C4orf17: variants seen among roughly 807,000 people sequenced by gnomAD.
C4orf17 encodes chromosome 4 open reading frame 17.
A neutral mutation model predicts 32.0 loss-of-function variants in C4orf17; 25 were observed. That is an observed-to-expected ratio of 0.78 (90% confidence interval 0.57 to 1.09). C4orf17 has a LOEUF of 1.09. Among genes scored for constraint, C4orf17 ranks in the 50% least tolerant of loss-of-function variants. The pLI is 0.00. For synonymous variants in C4orf17, 149 were observed against 145.8 expected, an observed-to-expected ratio of 1.02 and a Z score of -0.16; for missense variants, 420 against 420.0, an observed-to-expected ratio of 1.00 and a Z score of 0.00.
chr4:99,525,521 G>T (rs990995341), intron 4 of C4orf17, among the ~76,000 whole-genome samples: 4 of 152,088 alleles, frequency 2.6e-5, no homozygotes, highest in African/African-American at 7.2e-5. Context: ...TTGGCCAGGC[G>T]CAGTGGCTCA....
chr4:99,522,533 A>T lies in C4orf17; in HGVS notation c.161A>T (p.Asp54Val), dbSNP rs1578189414. Reference sequence around the variant, plus strand: ...AACATTCCAATCTGTACTGTGAATGATGATGAGAATGCATTTGGAACATTG... The same window carrying T: ...AACATTCCAATCTGTACTGTGAATGTTGATGAGAATGCATTTGGAACATTG... ...LNNIPICTVN[D>V]DENAFGTLWG... Residue 54 changes from aspartate (D) to valine (V), a missense_variant, in exon 3 of 9, where the codon GAT becomes GTT. Physicochemically the swap from Asp to Val is radical, Grantham distance 152. Coordinates refer to ENST00000326581, the MANE Select transcript of C4orf17 (RefSeq NM_032149.3). 6.2e-7 allele frequency: 1 copy of T among 1,614,000 alleles called. No homozygotes were observed. Among genetic ancestry groups the T allele is most frequent in the Non-Finnish European group, 8.5e-7 (1 of 1,179,882 alleles).
rs201281305 is a variant in C4orf17 at position 99,524,567 on chromosome 4, T to C, written c.384T>C (p.Asn128=). Reference sequence around the variant, plus strand: ...AGTGCTTCAAAACTTCCAGTGAGAATCCCTTAGTAATTAAAAAGGTAAGGA... The same window carrying C: ...AGTGCTTCAAAACTTCCAGTGAGAACCCCTTAGTAATTAAAAAGGTAAGGA... The part of the protein sequence containing the change: ...IKECFKTSSE[N]PLVIKKEEIK... Residue 128 remains asparagine, a synonymous_variant, in exon 4 of 9, where the codon AAT becomes AAC. Coordinates refer to ENST00000326581, the MANE Select transcript of C4orf17 (RefSeq NM_032149.3). 2.2e-5 allele frequency: 35 copies of C among 1,602,028 alleles called. No individual in the cohort carries two copies. In the East Asian group the frequency reaches 7.8e-4, roughly 36 times the overall value.
chr4:99,523,022 G>T (rs1381471265), intron 3 of C4orf17, among the ~76,000 whole-genome samples: 1 of 152,142 alleles, frequency 6.6e-6, no homozygotes, highest in Non-Finnish European at 1.5e-5. Context: ...ATGGGGAAAT[G>T]ATGTCAGACG....
intron 4 of C4orf17, among the ~76,000 whole-genome samples, chr4:99,525,430 T>A (rs893510666): frequency 3.3e-5 from 5 of 152,198 alleles, no homozygotes; most frequent in African/African-American, 1.2e-4. Context: ...TGACATCTTT[T>A]CCAATTCTTA....
At chr4:99,538,972 T>C (rs967006017) in intron 6 of C4orf17, among the ~76,000 whole-genome samples, 191 bp from the exon 7 acceptor site, 1 of 152,176 alleles carries the variant, frequency 6.6e-6, no homozygotes, top group African/African-American at 2.4e-5. Flanking sequence ...CACTCTACAG[T>C]ATCACAGGTC....
chr4:99,513,505 A>G lies in C4orf17; in HGVS notation c.127+297A>G, dbSNP rs1723129495. ...AAAATGGGGACCACTCAGGGAGCTC[A>G]GGGCAGGCTTGACCAATTGATATAA... On this transcript the variant is annotated intron_variant, in intron 2 of 8. Transcript: ENST00000326581. Among the ~76,000 whole-genome samples the G allele has an allele frequency of 2.0e-5, 3 of 152,334 alleles. No individual in the cohort carries two copies. In the South Asian group the frequency reaches 6.2e-4, roughly 32 times the overall value.
chr4:99,520,881 G>C (rs990197043), intron 2 of C4orf17, among the ~76,000 whole-genome samples: 2 of 152,048 alleles, frequency 1.3e-5, no homozygotes, highest in African/African-American at 4.8e-5. Context: ...ACTCCTGTAA[G>C]TTAAATAAAT....
chr4:99,539,025 C>T (rs1723609018), intron 6 of C4orf17, 138 bp from the exon 7 acceptor site: 2 of 790,814 alleles, frequency 2.5e-6, no homozygotes, highest in Non-Finnish European at 4.2e-6. Context: ...CTGCAGAAGT[C>T]CTTACTCCCA....
In C4orf17 at chr4:99,539,319, C is replaced by T; in HGVS notation, c.785C>T (p.Thr262Ile). 6.2e-7 allele frequency: 1 copy of T among 1,614,088 alleles called. No homozygotes were observed. Among genetic ancestry groups the T allele is most frequent in the South Asian group, 1.1e-5 (1 of 91,078 alleles). The change falls in exon 7 of 9, where the codon ACT becomes ATT. Residue 262 changes from threonine to isoleucine, a missense_variant. By Grantham distance (89) the Thr-to-Ile change is moderately conservative (BLOSUM62 -1). Transcript: ENST00000326581. ...PPTVKLPPNF[T>I]AKSKVLTRDT... is the part of the protein sequence containing the mutation. ...ACAGTTAAATTGCCCCCAAATTTTA[C>T]TGCAAAATCAAAAGTGCTGACCAGA...
At position 99,539,271 on chromosome 4, in the gene C4orf17, C is replaced by A. The variant is rs376479523; in HGVS notation, c.737C>A (p.Pro246Gln). The part of the protein sequence containing the change: ...SMEPAAETGK[P>Q]PTVKSPPTVK... ...GAACCAGCAGCAGAGACTGGGAAGCCACCCACAGTTAAATCACCACCCACA... is the reference window on the plus strand; with the variant it reads ...GAACCAGCAGCAGAGACTGGGAAGCAACCCACAGTTAAATCACCACCCACA... Residue 246 changes from proline (P) to glutamine (Q), a missense_variant, in exon 7 of 9, where the codon CCA (proline) becomes CAA (glutamine). Pro to Gln is a moderately conservative substitution (Grantham distance 76, BLOSUM62 -1). Transcript: ENST00000326581. The A allele has an allele frequency of 3.7e-6, 6 of 1,613,924 alleles. No individual in the cohort carries two copies. In the African/African-American group the frequency reaches 8.0e-5, roughly 22 times the overall value.
At chr4:99,528,715 G>A (rs2110170727) in intron 4 of C4orf17, among the ~76,000 whole-genome samples, 1 of 152,264 alleles carries the variant, frequency 6.6e-6, no homozygotes, top group African/African-American at 2.4e-5. Flanking sequence ...AAAAGTGAGA[G>A]CCAAGTAAAG....
In C4orf17 at chr4:99,529,947, C is replaced by G; in HGVS notation, c.535C>G (p.Gln179Glu). ...NTICIPNYLD[Q>E]EIKILAKLCS... Reference sequence around the variant, plus strand: ...CATTTGCATACCAAACTATCTGGATCAGGAAATAAAAGTAAGTATCAGGTT... The same window carrying G: ...CATTTGCATACCAAACTATCTGGATGAGGAAATAAAAGTAAGTATCAGGTT... Residue 179 changes from glutamine (Q) to glutamate (E), a missense_variant, in exon 5 of 9, where the codon CAG becomes GAG. Coordinates refer to ENST00000326581, the MANE Select transcript of C4orf17 (RefSeq NM_032149.3). The G allele has an allele frequency of 1.2e-6, 2 of 1,607,532 alleles. No homozygotes were observed. Among genetic ancestry groups the G allele is most frequent in the Non-Finnish European group, 8.5e-7 (1 of 1,177,570 alleles).
chr4:99,524,371 C>T, intron 3 of C4orf17, 150 bp from the exon 4 acceptor site: 7 of 536,164 alleles, frequency 1.3e-5, no homozygotes, highest in Admixed American at 3.7e-5. Flanking sequence ...TGCCATTTAC[C>T]TGCAAATTTC....
chr4:99,535,961 C>CAGTT (rs1560590940), intron 5 of C4orf17: 1 of 363,622 alleles, frequency 2.8e-6, no homozygotes, highest in Admixed American at 2.9e-5. Context: ...TTTCTTCTAA[C>CAGTT]AGGCCACTCT....
chr4:99,524,472 AT>A, intron 3 of C4orf17, 48 bp from the exon 4 acceptor site: 2 of 1,132,796 alleles, frequency 1.8e-6, no homozygotes, highest in Non-Finnish European at 2.7e-6. Context: ...TGTGATATAA[AT>A]TCTTTTTCAG....
intron 4 of C4orf17, among the ~76,000 whole-genome samples, chr4:99,528,335 C>T (rs1376130092): frequency 6.6e-6 from 1 of 151,908 alleles, no homozygotes; most frequent in Non-Finnish European, 1.5e-5. Flanking sequence ...TTATTAATTT[C>T]TGCTGTTATT....
At chr4:99,536,021 C>T (rs535251922) in intron 5 of C4orf17, 2 of 443,772 alleles carry the variant, frequency 4.5e-6, no homozygotes, top group South Asian at 3.2e-5. Context: ...ACCCTGGTTG[C>T]CTTGAGTTTT....
chr4:99,529,242 T>G (rs1230534411), intron 4 of C4orf17, among the ~76,000 whole-genome samples: 2 of 152,212 alleles, frequency 1.3e-5, no homozygotes, highest in Non-Finnish European at 2.9e-5. Context: ...CTTCATGGAC[T>G]TAAAAGCTCC....
At chr4:99,538,292 A>G (rs887301702) in intron 6 of C4orf17, among the ~76,000 whole-genome samples, 6 of 152,204 alleles carry the variant, frequency 3.9e-5, no homozygotes, top group Non-Finnish European at 7.3e-5. Flanking sequence ...GCAGAGAGCT[A>G]TCCTCACTTG....
Sources: allele counts gnomAD v4.1 joint callset (sites outside exome capture counted in the v4.1 genomes callset), GRCh38; gene constraint gnomAD v4.1.1; transcripts MANE v1.5; gene names NCBI Gene and HGNC (gene_info 2026-07-23, HGNC 2026-07-21).